Variants in CTDSPL observed in about 807,000 individuals in gnomAD.
The protein encoded by CTDSPL is CTD small phosphatase-like protein.
A neutral mutation model predicts 30.5 loss-of-function variants in CTDSPL; 8 were observed. That is an observed-to-expected ratio of 0.26 (90% confidence interval 0.15 to 0.47). The LOEUF (loss-of-function observed/expected upper bound fraction) is 0.47. CTDSPL is among the 20% of genes least tolerant of loss of function. The probability of loss-of-function intolerance (pLI) is 0.99; values close to 1 mark genes in which losing one functional copy is unlikely to be tolerated. For missense variants in CTDSPL, 248 were observed against 366.1 expected (o/e 0.68, Z 2.63); for synonymous variants, 110 against 137.9 (o/e 0.80, Z 1.42).
intron 1 of CTDSPL, among the ~76,000 whole-genome samples, chr3:37,885,788 G>A (rs1188984768): frequency 1.3e-5 from 2 of 152,162 alleles, no homozygotes; most frequent in African/African-American, 4.8e-5. Flanking sequence ...ACTAGTGCTA[G>A]GAAGGGCTGA....
At chr3:37,928,048 C>A (rs1038857401) in intron 1 of CTDSPL, among the ~76,000 whole-genome samples, 2 of 152,170 alleles carry the variant, frequency 1.3e-5, no homozygotes, top group Non-Finnish European at 2.9e-5. Context: ...ATTCCTCCAT[C>A]TATGCTGTGG....
At chr3:37,864,419 T>C (rs1697983573) in intron 1 of CTDSPL, among the ~76,000 whole-genome samples, 1 of 152,236 alleles carries the variant, frequency 6.6e-6, no homozygotes, top group Admixed American at 6.5e-5. Context: ...TTATTATCTT[T>C]AGCAGCCTAT....
chr3:37,953,241 C>G (rs1279517783), intron 2 of CTDSPL, among the ~76,000 whole-genome samples: 2 of 152,198 alleles, frequency 1.3e-5, no homozygotes, highest in East Asian at 1.9e-4. Context: ...AGCTACCATA[C>G]TGGACAGTAT....
chr3:37,927,707 A>ATATAT (rs1559636073), intron 1 of CTDSPL, among the ~76,000 whole-genome samples: 1,411 of 134,746 alleles, frequency 0.01, 24 homozygotes, highest in African/African-American at 0.016. Flanking sequence ...TATATATATA[A>ATATAT]AAAATGAAAT....
chr3:37,905,467 T>G (rs1698503426), intron 1 of CTDSPL, among the ~76,000 whole-genome samples: 1 of 152,190 alleles, frequency 6.6e-6, no homozygotes, highest in African/African-American at 2.4e-5. Flanking sequence ...ATCCTGGAGT[T>G]TTTTTCCAGG....
intron 1 of CTDSPL, among the ~76,000 whole-genome samples, chr3:37,917,490 G>T (rs932522096): frequency 6.6e-6 from 1 of 152,144 alleles, no homozygotes; most frequent in South Asian, 2.1e-4. Context: ...CTGATAAATT[G>T]TCCTAAATTA....
At chr3:37,883,135 A>G (rs934241999) in intron 1 of CTDSPL, among the ~76,000 whole-genome samples, 7 of 152,250 alleles carry the variant, frequency 4.6e-5, no homozygotes, top group African/African-American at 1.4e-4. Context: ...AAGTGAAATC[A>G]TATTGGAAAG....
chr3:37,981,869 G>A lies in CTDSPL; in HGVS notation c.*1002G>A, dbSNP rs1449283570. The A allele has an allele frequency of 3.7e-5, 17 of 457,100 alleles. No homozygotes were observed. Among genetic ancestry groups the A allele is most frequent in the East Asian group, 1.4e-4 (2 of 14,392 alleles). The allele number at this position is 457,100 out of a possible 1,614,324, so 28.3% of individuals were successfully genotyped here. On this transcript the variant is annotated 3_prime_UTR_variant, in exon 8 of 8. Coordinates refer to ENST00000273179, the MANE Select transcript of CTDSPL (RefSeq NM_001008392.2). ...TTTGGGAATTTTCCTTGCTGCTACC[G>A]CGCTGCCACCAAATGGAATTGACCA...
At chr3:37,890,865 G>T (rs1698316722) in intron 1 of CTDSPL, among the ~76,000 whole-genome samples, 1 of 152,190 alleles carries the variant, frequency 6.6e-6, no homozygotes, top group Admixed American at 6.5e-5. Context: ...GAAGGAAGGA[G>T]AAAATTTCCT....
At chr3:37,907,255 C>T (rs1006700719) in intron 1 of CTDSPL, among the ~76,000 whole-genome samples, 2 of 152,092 alleles carry the variant, frequency 1.3e-5, no homozygotes, top group Admixed American at 1.3e-4. Context: ...TCTTAGGTGG[C>T]CATTTATGGC....
At chr3:37,959,367 T>C (rs1699211033) in intron 3 of CTDSPL, among the ~76,000 whole-genome samples, 1 of 152,246 alleles carries the variant, frequency 6.6e-6, no homozygotes, top group African/African-American at 2.4e-5. Flanking sequence ...CATACACACG[T>C]ACGTGAAGTT....
chr3:37,890,822 G>A (rs182369603), intron 1 of CTDSPL, among the ~76,000 whole-genome samples: 4 of 152,156 alleles, frequency 2.6e-5, no homozygotes, highest in African/African-American at 9.7e-5. Flanking sequence ...CTGAGCGGGA[G>A]TGTATACCTA....
At chr3:37,896,506 G>T (rs975373372) in intron 1 of CTDSPL, among the ~76,000 whole-genome samples, 1 of 152,126 alleles carries the variant, frequency 6.6e-6, no homozygotes, top group Non-Finnish European at 1.5e-5. Flanking sequence ...AGTGAGGTGG[G>T]AAGTGAATGC....
rs1364934168 is a variant in CTDSPL, at chr3:37,982,714, T to G, written c.*1847T>G. 2.2e-6 allele frequency: 1 copy of G among 452,924 alleles called. No homozygotes were observed. The highest frequency in any genetic ancestry group is 4.5e-6 in the Non-Finnish European group (1 of 224,022). 28.1% of individuals were successfully genotyped at this position (452,924 alleles called of 1,614,324 possible). A position where few individuals can be genotyped will look rare whatever the true frequency, so the allele number is the denominator to read the frequency against. On this transcript the variant is annotated 3_prime_UTR_variant, in exon 8 of 8. Transcript: ENST00000273179. ...CCAAACCAGTAATCCACATGCCAAT[T>G]CAAATAGAACAGCCCCTTGCTAGAT...
chr3:37,888,221 G>A (rs1251097419), intron 1 of CTDSPL, among the ~76,000 whole-genome samples: 4 of 152,066 alleles, frequency 2.6e-5, no homozygotes, highest in Admixed American at 2.0e-4. Context: ...AGGAATGAAA[G>A]TTTGCCTTAT....
Position 37,861,924 on chromosome 3 carries a change from C to T in CTDSPL, c.-276C>T, listed in dbSNP as rs1697943159. ...GCTCCCGCTTCCAGCGGCGCCGGGC[C>T]TCCCGCTCCGCCTCCCCGTGCGCGG... On this transcript the variant is annotated 5_prime_UTR_variant, in exon 1 of 8. Transcript: ENST00000273179. The T allele has an allele frequency of 6.9e-6, 1 of 145,076 alleles. No individual in the cohort carries two copies. Among genetic ancestry groups the T allele is most frequent in the Non-Finnish European group, 1.5e-5 (1 of 65,326 alleles). The allele number at this position is 145,076 out of a possible 1,614,324, so 9.0% of individuals were successfully genotyped here. A position where few individuals can be genotyped will look rare whatever the true frequency, so the allele number is the denominator to read the frequency against.
intron 1 of CTDSPL, among the ~76,000 whole-genome samples, chr3:37,940,477 C>T (rs1396008328): frequency 1.3e-5 from 2 of 150,612 alleles, no homozygotes; most frequent in Non-Finnish European, 3.0e-5. Context: ...GAAATCTGTC[C>T]TTCTTTGTAA....
Position 37,975,564 on chromosome 3 carries a change from C to T in CTDSPL, c.520-145C>T, listed in dbSNP as rs947632039. On this transcript the variant is annotated intron_variant, in intron 6 of 7. Transcript: ENST00000273179. This position sits in a 1 kb window ranked among gnomAD's most constrained non-coding sequence, Gnocchi z 4.9. Reference sequence around the variant, plus strand: ...AGAATCCAGTGCCATCTTATGTACACGGAGAGGAAAATAACCAGGATCCTA... The same window carrying T: ...AGAATCCAGTGCCATCTTATGTACATGGAGAGGAAAATAACCAGGATCCTA... 33 of 665,260 alleles carry T rather than the reference C, an allele frequency of 5.0e-5. No homozygotes were observed. The highest frequency in any genetic ancestry group is 2.6e-4 in the South Asian group (11 of 42,588). The allele number at this position is 665,260 out of a possible 1,614,324, so 41.2% of individuals were successfully genotyped here. A position where few individuals can be genotyped will look rare whatever the true frequency, so the allele number is the denominator to read the frequency against.
At chr3:37,977,957 C>G (rs2125636289) in intron 7 of CTDSPL, among the ~76,000 whole-genome samples, 1 of 152,228 alleles carries the variant, frequency 6.6e-6, no homozygotes, top group South Asian at 2.1e-4. Flanking sequence ...GATATCATAT[C>G]AAGGAGGCAT....
Sources: gnomAD v4.1 joint callset for allele counts (sites outside exome capture counted in the v4.1 genomes callset) on GRCh38, gnomAD v4.1.1 for gene constraint, Gnocchi (gnomAD v3.1) non-coding constraint, MANE v1.5 for transcripts, NCBI Gene and HGNC (gene_info 2026-07-23, HGNC 2026-07-21) for gene names.